ZBTB20: variants seen among roughly 807,000 people sequenced by gnomAD.
The protein encoded by ZBTB20 is zinc finger and BTB domain-containing protein 20.
ZBTB20 carries 9 observed loss-of-function variants against 56.9 expected under a neutral mutation model. That is an observed-to-expected ratio of 0.16 (90% CI 0.10 to 0.28). The LOEUF (loss-of-function observed/expected upper bound fraction) is 0.28. Among genes scored for constraint, ZBTB20 ranks in the 10% least tolerant of loss-of-function variants. ZBTB20 has a pLI of 1.00. For synonymous variants in ZBTB20, 417 were observed against 420.7 expected (o/e 0.99, Z 0.11); for missense variants, 655 against 1,003.0 (o/e 0.65, Z 4.69).
chr3:114,668,714 G>A (rs1229104016), intron 6 of ZBTB20, among the ~76,000 whole-genome samples: 1 of 152,032 alleles, frequency 6.6e-6, no homozygotes, highest in Non-Finnish European at 1.5e-5. Flanking sequence ...CAGTGTGCCA[G>A]CTTAGTCTGC....
At chr3:114,720,610 A>G (rs1191797182) in intron 5 of ZBTB20, among the ~76,000 whole-genome samples, 1 of 152,150 alleles carries the variant, frequency 6.6e-6, no homozygotes, top group African/African-American at 2.4e-5. Flanking sequence ...AAAATAATTC[A>G]AAAGGAAGTT....
chr3:115,105,355 C>T (rs1431574970), intron 1 of ZBTB20, among the ~76,000 whole-genome samples: 1 of 152,124 alleles, frequency 6.6e-6, no homozygotes, highest in Non-Finnish European at 1.5e-5. Flanking sequence ...AAGTGACTTG[C>T]CTGAGATCAC....
At chr3:114,754,048 G>C (rs2067811690) in intron 5 of ZBTB20, among the ~76,000 whole-genome samples, 1 of 152,068 alleles carries the variant, frequency 6.6e-6, no homozygotes, top group African/African-American at 2.4e-5. Flanking sequence ...TCCTTTATGT[G>C]CAATACATCC....
At chr3:114,641,407 G>C (rs960728945) in intron 6 of ZBTB20, among the ~76,000 whole-genome samples, 1 of 151,802 alleles carries the variant, frequency 6.6e-6, no homozygotes, top group Non-Finnish European at 1.5e-5. Context: ...ATTGTGAACA[G>C]TTTTGTTAGT....
At chr3:114,963,123 T>C (rs2077517055) in intron 3 of ZBTB20, among the ~76,000 whole-genome samples, 2 of 152,118 alleles carry the variant, frequency 1.3e-5, no homozygotes, top group South Asian at 4.1e-4. Flanking sequence ...CCCTCCTATG[T>C]TTTATTTATG....
At chr3:114,353,642 C>T (rs2080916017) in intron 10 of ZBTB20, among the ~76,000 whole-genome samples, 1 of 152,134 alleles carries the variant, frequency 6.6e-6, no homozygotes, top group South Asian at 2.1e-4. Flanking sequence ...ACAAATAACC[C>T]AGGAAGGGCT....
At chr3:114,903,333 T>A (rs953358555) in intron 3 of ZBTB20, among the ~76,000 whole-genome samples, 1 of 152,094 alleles carries the variant, frequency 6.6e-6, no homozygotes. Flanking sequence ...GTGCCAGCCA[T>A]GAGGTAAGCA....
chr3:114,662,933 T>G (rs527566286), intron 6 of ZBTB20, among the ~76,000 whole-genome samples: 32 of 151,688 alleles, frequency 2.1e-4, no homozygotes, highest in African/African-American at 5.8e-4. Context: ...GAAAGTGATG[T>G]GGAGAATGGA....
chr3:114,416,508 T>C (rs1389349256), intron 7 of ZBTB20, among the ~76,000 whole-genome samples: 2 of 152,000 alleles, frequency 1.3e-5, no homozygotes. Context: ...ATCCCCCACT[T>C]TCTCCCCTTC....
intron 7 of ZBTB20, among the ~76,000 whole-genome samples, chr3:114,398,481 C>G (rs1301892886): frequency 6.6e-6 from 1 of 152,114 alleles, no homozygotes; most frequent in Non-Finnish European, 1.5e-5. Context: ...ACACTACCCG[C>G]CATCACTGCC....
At chr3:114,408,716 TC>T (rs2087590463) in intron 7 of ZBTB20, among the ~76,000 whole-genome samples, 1 of 152,066 alleles carries the variant, frequency 6.6e-6, no homozygotes, top group Admixed American at 6.6e-5. Context: ...GCCAGCACAT[TC>T]CACCCCCACC....
chr3:114,855,531 C>T (rs528475857), intron 4 of ZBTB20, among the ~76,000 whole-genome samples: 4 of 151,984 alleles, frequency 2.6e-5, no homozygotes, highest in East Asian at 1.9e-4. Context: ...ATAAAATGTC[C>T]GAGTGATTCC....
intron 5 of ZBTB20, among the ~76,000 whole-genome samples, chr3:114,787,229 T>C (rs1245290806): frequency 1.3e-5 from 2 of 150,878 alleles, no homozygotes; most frequent in Non-Finnish European, 3.0e-5. Context: ...CCTCCTCCCT[T>C]GGCCTCCCAA....
intron 5 of ZBTB20, among the ~76,000 whole-genome samples, chr3:114,756,321 T>C (rs1346314080): frequency 6.6e-6 from 1 of 152,166 alleles, no homozygotes; most frequent in Non-Finnish European, 1.5e-5. Flanking sequence ...TAGGGAGATA[T>C]AAAATTAAAA....
At chr3:114,631,379 A>ATT (rs1479430066) in intron 6 of ZBTB20, among the ~76,000 whole-genome samples, 4 of 22,370 alleles carry the variant, frequency 1.8e-4, no homozygotes, top group African/African-American at 5.0e-4. Context: ...TAAATAGGTT[A>ATT]TTCTTTTTTT....
intron 6 of ZBTB20, among the ~76,000 whole-genome samples, chr3:114,621,675 T>C (rs1003553204): frequency 1.3e-5 from 2 of 152,156 alleles, no homozygotes; most frequent in Admixed American, 1.3e-4. Flanking sequence ...TACTTACAGC[T>C]AAAATATGCA....
chr3:114,583,844 T>A (rs967959839), intron 6 of ZBTB20, among the ~76,000 whole-genome samples: 3 of 152,218 alleles, frequency 2.0e-5, no homozygotes, highest in Non-Finnish European at 2.9e-5. Context: ...AGACTGTCTT[T>A]GTTTAAAATA....
At chr3:114,414,775 T>C (rs1490272359) in intron 7 of ZBTB20, among the ~76,000 whole-genome samples, 1 of 148,096 alleles carries the variant, frequency 6.8e-6, no homozygotes, top group Non-Finnish European at 1.5e-5. Flanking sequence ...TATATGATAG[T>C]ATATAAAATA....
At chr3:114,738,893 T>G (rs1443472128) in intron 5 of ZBTB20, among the ~76,000 whole-genome samples, 1 of 152,208 alleles carries the variant, frequency 6.6e-6, no homozygotes, top group Non-Finnish European at 1.5e-5. Context: ...TTAAATAATC[T>G]TTTCAGTACT....
Sources: allele counts gnomAD v4.1 joint callset (sites outside exome capture counted in the v4.1 genomes callset), GRCh38; gene constraint gnomAD v4.1.1; transcripts MANE v1.5; gene names NCBI Gene and HGNC (gene_info 2026-07-23, HGNC 2026-07-21).